Variants in AHNAK observed in about 807,000 individuals in gnomAD.
AHNAK encodes AHNAK nucleoprotein.
AHNAK carries 23 observed loss-of-function variants against 37.8 expected under a neutral mutation model. That is an observed-to-expected ratio of 0.61 (90% CI 0.44 to 0.86). The LOEUF is 0.86. AHNAK is among the 40% of genes least tolerant of loss of function. The probability of loss-of-function intolerance (pLI) is 0.00; values close to 1 mark genes in which losing one functional copy is unlikely to be tolerated. For synonymous variants in AHNAK, 2,481 were observed against 2,636.3 expected (o/e 0.94, Z 1.80); for missense variants, 7,411 against 7,319.4 (o/e 1.01, Z -0.46).
chr11:62,504,583 G>A (rs949151137), intron 4 of AHNAK, among the ~76,000 whole-genome samples: 1 of 152,026 alleles, frequency 6.6e-6, no homozygotes, highest in African/African-American at 2.4e-5. Context: ...CCCACCGCCT[G>A]GCCACCGAAG....
In AHNAK at chr11:62,454,848, C is replaced by T. The variant is rs1011737576; in HGVS notation, c.443-20957G>A. On this transcript the variant is annotated intron_variant, in intron 5 of 5. Transcript: ENST00000257247. ...ATGTCTGCTCCAGCCCCTCCTCAAA[C>T]GGCTCCAAGAAGTTGAGAACCCACA... is the stretch of plus-strand genomic sequence containing the variant. Among the ~76,000 whole-genome samples, 105 of 152,184 alleles carry T rather than the reference C, an allele frequency of 6.9e-4. 1 individual carries two copies. Among genetic ancestry groups the T allele is most frequent in the African/African-American group, 2.5e-3 (102 of 41,532 alleles).
rs1420369892 is a variant in AHNAK at position 62,520,609 on chromosome 11, T to C, written c.13808A>G (p.Lys4603Arg). Reference protein sequence around the residue: ...ISMPEVDLNLKGPKVKGDMDI... With the variant: ...ISMPEVDLNLRGPKVKGDMDI... ...CATGTCGCCCTTCACCTTTGGACCT[T>C]TCAGATTCAGGTCAACTTCAGGCAT... is the stretch of plus-strand genomic sequence containing the variant. The change falls in exon 5 of 5, where the codon AAA (lysine) becomes AGA (arginine). Residue 4603 changes from lysine to arginine, a missense_variant. Lys to Arg is a conservative substitution (Grantham distance 26). Transcript: ENST00000378024. The C allele has an allele frequency of 6.2e-7, 1 of 1,614,144 alleles. No individual in the cohort carries two copies. Among genetic ancestry groups the C allele is most frequent in the Admixed American group, 1.7e-5 (1 of 60,022 alleles).
Position 62,533,865 on chromosome 11 carries a change from AATCTTG to A in AHNAK, c.546_551del (p.Lys183_Ile184del). The A allele has an allele frequency of 6.2e-7, 1 of 1,614,034 alleles. No individual in the cohort carries two copies. The highest frequency in any genetic ancestry group is 8.5e-7 in the Non-Finnish European group (1 of 1,180,000). Reference sequence around the variant, plus strand: ...AGATTTCAGTCAGTTCATGTCTTGGAATCTTGATCTTGAATTCAGGGCTACTGATGT... The same window carrying A: ...AGATTTCAGTCAGTTCATGTCTTGGAATCTTGAATTCAGGGCTACTGATGT... On this transcript the variant is annotated inframe_deletion, in exon 5 of 5. Transcript: ENST00000378024.
intron 4 of AHNAK, among the ~76,000 whole-genome samples, chr11:62,507,974 C>T (rs919127960): frequency 9.2e-5 from 14 of 152,146 alleles, no homozygotes; most frequent in Non-Finnish European, 1.8e-4. Context: ...GACTGGGTCT[C>T]GCTCTGTCAT....
chr11:62,486,846 G>T (rs1939406210), intron 5 of AHNAK, among the ~76,000 whole-genome samples: 1 of 151,920 alleles, frequency 6.6e-6, no homozygotes, highest in Non-Finnish European at 1.5e-5. Flanking sequence ...ATAAACACAA[G>T]CTCAAATGAA....
rs184185461 is a variant in AHNAK at position 62,524,961 on chromosome 11, T to C, written c.9456A>G (p.Lys3152=). 4.8e-5 allele frequency: 77 copies of C among 1,613,272 alleles called. No homozygotes were observed. Among genetic ancestry groups the C allele is most frequent in the Middle Eastern group, 1.7e-4 (1 of 6,058 alleles). ...GCATGCTGATCTTGGGCATTTTTATTTTAGGCATCTTCAGGTGCCAGTCTG... is the reference window on the plus strand; with the variant it reads ...GCATGCTGATCTTGGGCATTTTTATCTTAGGCATCTTCAGGTGCCAGTCTG... ...QGPDWHLKMP[K]IKMPKISMPG... is the part of the protein sequence containing the mutation. The change falls in exon 5 of 5, where the codon AAA becomes AAG. Residue 3152 remains lysine (K), a synonymous_variant. Coordinates refer to ENST00000378024, the MANE Select transcript of AHNAK (RefSeq NM_001620.3).
At position 62,519,020 on chromosome 11, in the gene AHNAK, C is replaced by G. The variant is rs1285234408; in HGVS notation, c.15397G>C (p.Gly5133Arg). Residue 5133 changes from glycine (G) to arginine (R), a missense_variant, in exon 5 of 5, where the codon GGT becomes CGT. Coordinates refer to ENST00000378024, the MANE Select transcript of AHNAK (RefSeq NM_001620.3). The part of the protein sequence containing the change: ...ELSLPAIHVE[G>R]LDIKAKAPKV... ...GGAGCCTTCGCCTTGATGTCAAGAC[C>G]TTCGACGTGAATCGCTGGCAAAGAA... is the stretch of plus-strand genomic sequence containing the variant. The G allele has an allele frequency of 6.2e-6, 10 of 1,613,600 alleles. No homozygotes were observed. Among genetic ancestry groups the G allele is most frequent in the Non-Finnish European group, 7.6e-6 (9 of 1,179,620 alleles).
Position 62,494,452 on chromosome 11 carries a change from A to G in AHNAK, c.343-2621T>C, listed in dbSNP as rs538818918. Among the ~76,000 whole-genome samples, 4 of 152,172 alleles carry G rather than the reference A, an allele frequency of 2.6e-5. No individual in the cohort carries two copies. In the East Asian group the frequency reaches 7.7e-4, roughly 29 times the overall value. On this transcript the variant is annotated intron_variant, in intron 4 of 5. Coordinates refer to the AHNAK transcript ENST00000257247. Reference sequence around the variant, plus strand: ...GCTTACCACATGCCAAACGATTTTTACCCTTATGTCAACTCCTTACATCAA... The same window carrying G: ...GCTTACCACATGCCAAACGATTTTTGCCCTTATGTCAACTCCTTACATCAA...
rs1466083104 is a variant in AHNAK at position 62,466,748 on chromosome 11, G to A, written c.442+24984C>T. On this transcript the variant is annotated intron_variant, in intron 5 of 5. Transcript: ENST00000257247. ...CTGCTATCTCCCAGGCCTGGGATAT[G>A]ATAGATATCCAGTAAATATTTGTTA... 2.0e-5 allele frequency among the ~76,000 whole-genome samples: 3 copies of A among 152,100 alleles called. No individual in the cohort carries two copies. In the East Asian group the frequency reaches 5.8e-4, roughly 29 times the overall value.
At position 62,520,729 on chromosome 11, in the gene AHNAK, T is replaced by C. The variant is rs1565226572; in HGVS notation, c.13688A>G (p.Asp4563Gly). Reference protein sequence around the residue: ...VDVKGPKVGIDTPDIDIHGPE... With the variant: ...VDVKGPKVGIGTPDIDIHGPE... ...ACCATGAATGTCAATATCAGGAGTG[T>C]CAATGCCCACTTTAGGGCCTTTGAC... Residue 4563 changes from aspartate (D) to glycine (G), a missense_variant, in exon 5 of 5, where the codon GAC becomes GGC. By Grantham distance (94) the Asp-to-Gly change is moderately conservative (BLOSUM62 -1). Coordinates refer to ENST00000378024, the MANE Select transcript of AHNAK (RefSeq NM_001620.3). 1.2e-6 allele frequency: 2 copies of C among 1,614,192 alleles called. No homozygotes were observed.
chr11:62,520,924 G>A lies in AHNAK; in HGVS notation c.13493C>T (p.Pro4498Leu), dbSNP rs370069821. The part of the protein sequence containing the change: ...LKGPEVDIEG[P>L]EGKLKGPKFK... The stretch of plus-strand genomic sequence containing the variant: ...CTTGGGACCTTTGAGCTTCCCTTCA[G>A]GACCTTCAATGTCTACCTCTGGCCC... The change falls in exon 5 of 5, where the codon CCT (proline) becomes CTT (leucine). Residue 4498 changes from proline (P) to leucine (L), a missense_variant. Coordinates refer to ENST00000378024, the MANE Select transcript of AHNAK (RefSeq NM_001620.3). The A allele has an allele frequency of 1.9e-6, 3 of 1,613,980 alleles. No homozygotes were observed. The African/African-American group carries it at 4.0e-5, about 22-fold the overall frequency.
intron 5 of AHNAK, among the ~76,000 whole-genome samples, chr11:62,490,758 GC>G (rs1939492176): frequency 6.6e-6 from 1 of 151,998 alleles, no homozygotes; most frequent in South Asian, 2.1e-4. Flanking sequence ...ATGTTGAGAG[GC>G]CATACATTCC....
intron 5 of AHNAK, among the ~76,000 whole-genome samples, chr11:62,443,103 C>T (rs1337594287): frequency 2.6e-5 from 4 of 151,010 alleles, no homozygotes; most frequent in African/African-American, 9.7e-5. Flanking sequence ...TCCCAAGTAG[C>T]TGGGACTACA....
intron 5 of AHNAK, among the ~76,000 whole-genome samples, chr11:62,453,701 G>C (rs1175129637): frequency 6.6e-6 from 1 of 152,196 alleles, no homozygotes; most frequent in East Asian, 1.9e-4. Context: ...TGAATTCTAG[G>C]TCTGAATTTA....
rs1940520871 is a variant in AHNAK at position 62,527,102 on chromosome 11, G to A, written c.7315C>T (p.Pro2439Ser). ...IEGPEGKLKG[P>S]KFKMPDMHFK... ...TGCATATCAGGCATCTTGAACTTAG[G>A]GCCTTTCAATTTGCCCTCTGGTCCC... Residue 2439 changes from proline (P) to serine (S), a missense_variant, in exon 5 of 5, where the codon CCT becomes TCT. Pro to Ser is a moderately conservative substitution (Grantham distance 74). Coordinates refer to ENST00000378024, the MANE Select transcript of AHNAK (RefSeq NM_001620.3). 1 of 1,613,962 alleles carries A rather than the reference G, an allele frequency of 6.2e-7. No homozygotes were observed. Among genetic ancestry groups the A allele is most frequent in the Non-Finnish European group, 8.5e-7 (1 of 1,180,030 alleles).
Position 62,525,105 on chromosome 11 carries a change from T to A in AHNAK, c.9312A>T (p.Lys3104Asn). 1 of 1,613,808 alleles carries A rather than the reference T, an allele frequency of 6.2e-7. No individual in the cohort carries two copies. The highest frequency in any genetic ancestry group is 8.5e-7 in the Non-Finnish European group (1 of 1,179,900). ...PDIDLNLKGP[K>N]VKGDMDVSLP... ...GAGACACATCCATGTCACCCTTCAC[T>A]TTGGGACCTTTCAGGTTAAGATCAA... is the stretch of plus-strand genomic sequence containing the variant. The change falls in exon 5 of 5, where the codon AAA becomes AAT. Residue 3104 changes from lysine to asparagine, a missense_variant. Transcript: ENST00000378024.
chr11:62,447,472 C>T (rs1038784302), intron 5 of AHNAK, among the ~76,000 whole-genome samples: 8 of 152,168 alleles, frequency 5.3e-5, no homozygotes, highest in Admixed American at 1.3e-4. Context: ...TGCCTTTGAA[C>T]GCATCATGTG....
chr11:62,460,810 T>C (rs1293435084), intron 5 of AHNAK, among the ~76,000 whole-genome samples: 2 of 151,934 alleles, frequency 1.3e-5, no homozygotes, highest in African/African-American at 4.8e-5. Flanking sequence ...AGAGTGGGAC[T>C]TCAAGTAGCC....
At chr11:62,545,369 G>C (rs1368545753) in intron 1 of AHNAK, among the ~76,000 whole-genome samples, 4 of 152,210 alleles carry the variant, frequency 2.6e-5, no homozygotes, top group Non-Finnish European at 4.4e-5. Context: ...CCCAGCAAGG[G>C]GCACAGCCAG....
Sources: gnomAD v4.1 joint callset for allele counts (sites outside exome capture counted in the v4.1 genomes callset) on GRCh38, gnomAD v4.1.1 for gene constraint, MANE v1.5 for transcripts, NCBI Gene and HGNC (gene_info 2026-07-23, HGNC 2026-07-21) for gene names.